ABHD5: variants seen among roughly 807,000 people sequenced by gnomAD.
The protein encoded by ABHD5 is 1-acylglycerol-3-phosphate O-acyltransferase ABHD5.
In ABHD5, 30 loss-of-function variants were observed where a neutral mutation model predicts 44.9. The observed-to-expected ratio is 0.67, with a 90% confidence interval of 0.50 to 0.91. The LOEUF is 0.91. Ranked by LOEUF, ABHD5 falls within the 40% of genes least tolerant of loss-of-function variation. The pLI, the probability that ABHD5 is intolerant of heterozygous loss-of-function variation, is 0.00. For synonymous variants in ABHD5, 167 were observed against 147.0 expected (o/e 1.14, Z -0.99); for missense variants, 399 against 423.4 (o/e 0.94, Z 0.50).
At position 43,719,688 on chromosome 3, in the gene ABHD5, G is replaced by C. The variant is rs965277602; in HGVS notation, c.*1156G>C. On this transcript the variant is annotated 3_prime_UTR_variant, in exon 7 of 7. Transcript: ENST00000644371. ...CCATCAAGTGTAGCATTTTCTTGCA[G>C]TTTTAAAATGAGGAAAACTTCTTTG... 6 of 152,118 alleles carry C rather than the reference G, an allele frequency of 3.9e-5. No individual in the cohort carries two copies. Among genetic ancestry groups the C allele is most frequent in the African/African-American group, 1.2e-4 (5 of 41,432 alleles). 9.4% of individuals were successfully genotyped at this position (152,118 alleles called of 1,614,324 possible). A position where few individuals can be genotyped will look rare whatever the true frequency, so the allele number is the denominator to read the frequency against.
At chr3:43,732,934 G>T (rs2372546) in intron 7 of ABHD5, among the ~76,000 whole-genome samples, 132,126 of 152,178 alleles carry the variant, frequency 0.87, 57,423 homozygotes, top group Admixed American at 0.88. Flanking sequence ...ATTGAGGGCC[G>T]TAGTTGGTAG....
intron 2 of ABHD5, among the ~76,000 whole-genome samples, chr3:43,701,495 A>G (rs1053387316): frequency 1.3e-5 from 2 of 152,204 alleles, no homozygotes; most frequent in Non-Finnish European, 2.9e-5. Flanking sequence ...ATTTAATTTC[A>G]TTTTTAGGCA....
chr3:43,699,396 G>A, intron 2 of ABHD5, 35 bp downstream of exon 2: 3 of 1,558,402 alleles, frequency 1.9e-6, no homozygotes, highest in South Asian at 2.2e-5. Context: ...AATGAGCTGT[G>A]TACTAAGATA....
At chr3:43,693,140 T>C (rs991421985) in intron 1 of ABHD5, among the ~76,000 whole-genome samples, 3 of 152,188 alleles carry the variant, frequency 2.0e-5, no homozygotes, top group South Asian at 2.1e-4. Flanking sequence ...TTAGTGTCAA[T>C]TGAGTTGAGA....
downstream of ABHD5, among the ~76,000 whole-genome samples, chr3:43,725,171 A>G (rs186133985): frequency 2.4e-4 from 36 of 152,272 alleles, no homozygotes; most frequent in East Asian, 7.7e-4. Context: ...CACAGCCCCA[A>G]TACAAAACTG....
At chr3:43,709,933 C>T (rs2084666385) in intron 3 of ABHD5, among the ~76,000 whole-genome samples, 1 of 152,104 alleles carries the variant, frequency 6.6e-6, no homozygotes, top group Non-Finnish European at 1.5e-5. Context: ...ATCCCAGCTA[C>T]TCAGGAGACT....
At chr3:43,732,403 CTGAG>C (rs1478234260) in intron 7 of ABHD5, among the ~76,000 whole-genome samples, 3 of 151,976 alleles carry the variant, frequency 2.0e-5, no homozygotes, top group African/African-American at 7.2e-5. Flanking sequence ...GCACTCCAGC[CTGAG>C]TGAGGAAGCA....
chr3:43,691,083 C>T (rs1213864643), intron 1 of ABHD5, 44 bp downstream of exon 1: 15 of 1,506,092 alleles, frequency 1.0e-5, no homozygotes, highest in Non-Finnish European at 1.2e-5. Flanking sequence ...CCGGCGCGCA[C>T]CCTCCGCGCG....
intron 1 of ABHD5, among the ~76,000 whole-genome samples, chr3:43,696,208 G>T (rs560379442): frequency 6.6e-6 from 1 of 152,144 alleles, no homozygotes; most frequent in Admixed American, 6.5e-5. Flanking sequence ...TTGAATTTAG[G>T]CCTCAGTGAT....
chr3:43,695,171 C>G (rs1211735649), intron 1 of ABHD5: 1 of 152,120 alleles, frequency 6.6e-6, no homozygotes, highest in Non-Finnish European at 1.5e-5. Context: ...TTTTTCTTTT[C>G]TTTTTCTCTT....
intron 3 of ABHD5, among the ~76,000 whole-genome samples, chr3:43,705,113 T>C (rs2084598939): frequency 6.6e-6 from 1 of 152,184 alleles, no homozygotes; most frequent in South Asian, 2.1e-4. Flanking sequence ...CTAGTAAATA[T>C]TTCTTGAATA....
chr3:43,710,893 G>A (rs989779511), intron 3 of ABHD5, among the ~76,000 whole-genome samples: 1 of 152,200 alleles, frequency 6.6e-6, no homozygotes, highest in East Asian at 1.9e-4. Context: ...CTATGTGGAA[G>A]TACTGCTGAT....
intron 7 of ABHD5, among the ~76,000 whole-genome samples, chr3:43,733,010 C>T (rs1697264596): frequency 6.6e-6 from 1 of 152,194 alleles, no homozygotes; most frequent in Non-Finnish European, 1.5e-5. Context: ...TGGCCACTTC[C>T]TTCATCAAAG....
Position 43,722,204 on chromosome 3 carries a change from T to C in ABHD5, c.*3672T>C, listed in dbSNP as rs1359423821. On this transcript the variant is annotated 3_prime_UTR_variant, in exon 7 of 7. Coordinates refer to ENST00000644371, the MANE Select transcript of ABHD5 (RefSeq NM_016006.6). Reference sequence around the variant, plus strand: ...CAAATCTCCATTGATAGGGAATTGATGGAAGGAACTAGGGTATATCTATAC... The same window carrying C: ...CAAATCTCCATTGATAGGGAATTGACGGAAGGAACTAGGGTATATCTATAC... 6.6e-6 allele frequency: 1 copy of C among 152,198 alleles called. No homozygotes were observed. The highest frequency in any genetic ancestry group is 1.5e-5 in the Non-Finnish European group (1 of 68,028). 9.4% of individuals were successfully genotyped at this position (152,198 alleles called of 1,614,324 possible).
chr3:43,727,716 C>T (rs1166564378), downstream of ABHD5, among the ~76,000 whole-genome samples: 1 of 152,210 alleles, frequency 6.6e-6, no homozygotes, highest in Non-Finnish European at 1.5e-5. Flanking sequence ...TCAAGCAGTT[C>T]TCCTGCTTCC....
intron 7 of ABHD5, among the ~76,000 whole-genome samples, chr3:43,729,885 T>C (rs2084901923): frequency 1.3e-5 from 2 of 152,234 alleles, no homozygotes; most frequent in South Asian, 4.1e-4. Flanking sequence ...GGAGTCTGTT[T>C]CTGTCTATGG....
downstream of ABHD5, among the ~76,000 whole-genome samples, chr3:43,723,799 T>C (rs1488354068): frequency 6.6e-6 from 1 of 152,252 alleles, no homozygotes. Flanking sequence ...TTAAAGGACC[T>C]TGTTTGGATC....
chr3:43,692,557 T>C (rs1247871595), intron 1 of ABHD5, among the ~76,000 whole-genome samples: 1 of 152,258 alleles, frequency 6.6e-6, no homozygotes, highest in Non-Finnish European at 1.5e-5. Context: ...AGCCATAGTT[T>C]CTAGACAGAA....
rs368953991 is a variant in ABHD5, at chr3:43,717,838, A to G, written c.941A>G (p.His314Arg). ...SGTSIQSLRP[H>R]SYVKTIAILG... ...ACCAGCATCCAGTCCTTACGACCAC[A>G]TTCATATGTGAAGACAATAGTAAGT... The change falls in exon 6 of 7, where the codon CAT (histidine) becomes CGT (arginine). Residue 314 changes from histidine (H) to arginine (R), a missense_variant. His to Arg is a conservative substitution (Grantham distance 29). Transcript: ENST00000644371. 6.8e-6 allele frequency: 11 copies of G among 1,614,096 alleles called. No homozygotes were observed. Among genetic ancestry groups the G allele is most frequent in the Middle Eastern group, 3.3e-4 (2 of 6,084 alleles).
Sources: gnomAD v4.1 joint callset for allele counts (sites outside exome capture counted in the v4.1 genomes callset) on GRCh38, gnomAD v4.1.1 for gene constraint, MANE v1.5 for transcripts, NCBI Gene and HGNC (gene_info 2026-07-23, HGNC 2026-07-21) for gene names.